STK39: variants seen among roughly 807,000 people sequenced by gnomAD.
The protein encoded by STK39 is serine/threonine kinase 39.
A neutral mutation model predicts 77.8 loss-of-function variants in STK39; 20 were observed. The ratio of observed to expected loss-of-function variants is 0.26; its 90% CI spans 0.18 to 0.37. The LOEUF (loss-of-function observed/expected upper bound fraction) is 0.37, where lower values mean the gene tolerates loss of function less well. Ranked by LOEUF, STK39 falls within the 10% of genes least tolerant of loss-of-function variation. The pLI is 1.00. For missense variants in STK39, 479 were observed against 656.5 expected, an observed-to-expected ratio of 0.73 and a Z score of 2.95; for synonymous variants, 246 against 234.1, an observed-to-expected ratio of 1.05 and a Z score of -0.47.
intron 1 of STK39, among the ~76,000 whole-genome samples, chr2:168,220,035 GAAT>G (rs1690126621): frequency 6.6e-6 from 1 of 152,000 alleles, no homozygotes; most frequent in South Asian, 2.1e-4. Flanking sequence ...TTGAGTATTT[GAAT>G]AATGATGATA....
intron 1 of STK39, among the ~76,000 whole-genome samples, chr2:168,187,454 C>T (rs1053038741): frequency 1.1e-4 from 16 of 152,292 alleles, no homozygotes; most frequent in Admixed American, 9.1e-4. Flanking sequence ...GGATGACTTG[C>T]CTAACTTCTT....
rs188374013 is a variant in STK39, at chr2:168,236,708, C to T, written c.208+10520G>A. ...CAGTACCATTTATTAAATAGGGAATCATTTCCCCATTGCTTGTTTTTGTCA... is the reference window on the plus strand; with the variant it reads ...CAGTACCATTTATTAAATAGGGAATTATTTCCCCATTGCTTGTTTTTGTCA... On this transcript the variant is annotated intron_variant, in intron 1 of 17. Transcript: ENST00000355999. 3.5e-3 allele frequency among the ~76,000 whole-genome samples: 529 copies of T among 152,334 alleles called. 2 individuals are homozygous for T. The highest frequency in any genetic ancestry group is 0.012 in the African/African-American group (508 of 41,578).
chr2:168,182,768 T>C (rs1559136625), intron 1 of STK39, among the ~76,000 whole-genome samples: 1 of 152,194 alleles, frequency 6.6e-6, no homozygotes, highest in Non-Finnish European at 1.5e-5. Context: ...ATGTAATGAT[T>C]TGCGGCAGAG....
intron 5 of STK39, among the ~76,000 whole-genome samples, chr2:168,159,233 C>T (rs1688509751): frequency 6.6e-6 from 1 of 152,088 alleles, no homozygotes. Context: ...ACTACAGGGC[C>T]TCAGAGGCAT....
At chr2:167,975,385 G>A (rs188168387) in intron 16 of STK39, among the ~76,000 whole-genome samples, 52 of 152,116 alleles carry the variant, frequency 3.4e-4, no homozygotes, top group African/African-American at 1.2e-3. Context: ...TGGGGATGAG[G>A]AGTATCAGAG....
At position 168,006,447 on chromosome 2, in the gene STK39, G is replaced by A. The variant is rs187871987; in HGVS notation, c.1498+6187C>T. Among the ~76,000 whole-genome samples the A allele has an allele frequency of 4.6e-5, 7 of 152,044 alleles. No homozygotes were observed. The East Asian group carries it at 5.8e-4, about 13-fold the overall frequency. On this transcript the variant is annotated intron_variant, in intron 16 of 17. Transcript: ENST00000355999. ...ATTTTGTGTTTTGCATTTTTCCCCC[G>A]TGCTTCCATTGCAGAGAAAACTTAT...
chr2:168,139,983 C>A (rs12612465), intron 7 of STK39, among the ~76,000 whole-genome samples: 2 of 152,054 alleles, frequency 1.3e-5, no homozygotes, highest in African/African-American at 4.8e-5. Flanking sequence ...GGGAACCTGG[C>A]GTTGTTCTGC....
chr2:168,182,397 G>C (rs1275211399), intron 1 of STK39, among the ~76,000 whole-genome samples: 1 of 152,124 alleles, frequency 6.6e-6, no homozygotes, highest in Non-Finnish European at 1.5e-5. Flanking sequence ...TCTAGCTTGA[G>C]TGCCTTTAAA....
chr2:168,228,110 G>A (rs1210949048), intron 1 of STK39, among the ~76,000 whole-genome samples: 2 of 152,140 alleles, frequency 1.3e-5, no homozygotes, highest in South Asian at 2.1e-4. Flanking sequence ...GATGTATTCC[G>A]TGATTCTGAA....
intron 16 of STK39, among the ~76,000 whole-genome samples, chr2:168,008,711 G>C (rs1684194834): frequency 2.0e-5 from 3 of 152,108 alleles, no homozygotes; most frequent in Admixed American, 2.0e-4. Flanking sequence ...GACACATCAA[G>C]ATTTATAGGT....
intron 5 of STK39, among the ~76,000 whole-genome samples, chr2:168,144,022 G>A (rs148276786): frequency 1.2e-4 from 18 of 152,300 alleles, no homozygotes; most frequent in African/African-American, 4.3e-4. Flanking sequence ...TGAGTAATTT[G>A]ATGTGCATTC....
At chr2:168,103,885 G>A (rs935302828) in intron 10 of STK39, among the ~76,000 whole-genome samples, 1 of 152,176 alleles carries the variant, frequency 6.6e-6, no homozygotes, top group Non-Finnish European at 1.5e-5. Context: ...CTTATCTAAA[G>A]AGTTAGGCAC....
At chr2:168,012,766 A>C in intron 15 of STK39, 64 bp from the exon 16 acceptor site, 2 of 1,343,432 alleles carry the variant, frequency 1.5e-6, no homozygotes, top group South Asian at 1.4e-5. Context: ...ACCCAGTACA[A>C]TGTAAAATAT....
At chr2:168,099,918 C>A (rs986351346) in intron 10 of STK39, among the ~76,000 whole-genome samples, 6 of 152,152 alleles carry the variant, frequency 3.9e-5, no homozygotes, top group Non-Finnish European at 7.3e-5. Context: ...ACTCAAGAGA[C>A]AAGAGTCTCC....
chr2:168,012,757 C>T (rs1402673086), intron 15 of STK39, 55 bp from the exon 16 acceptor site: 1 of 1,444,006 alleles, frequency 6.9e-7, no homozygotes, highest in Non-Finnish European at 9.6e-7. Flanking sequence ...AAATCAACAA[C>T]CCAGTACAAT....
chr2:168,202,820 C>T (rs778888849), intron 1 of STK39, among the ~76,000 whole-genome samples: 31 of 151,916 alleles, frequency 2.0e-4, no homozygotes, highest in South Asian at 2.1e-4. Flanking sequence ...TGAACTGAGA[C>T]GAAGCTGGGA....
intron 5 of STK39, among the ~76,000 whole-genome samples, chr2:168,144,350 G>A (rs1180982994): frequency 6.6e-6 from 1 of 151,912 alleles, no homozygotes; most frequent in African/African-American, 2.4e-5. Context: ...GTCGCCCAAG[G>A]TGGAACATAG....
chr2:168,036,067 G>A (rs1272502557), intron 14 of STK39, among the ~76,000 whole-genome samples: 1 of 152,108 alleles, frequency 6.6e-6, no homozygotes. Context: ...AATGACTGAG[G>A]AATTTCAATG....
At chr2:168,107,275 A>G (rs1686999675) in intron 10 of STK39, among the ~76,000 whole-genome samples, 2 of 152,198 alleles carry the variant, frequency 1.3e-5, no homozygotes. Flanking sequence ...AACATGATGA[A>G]TGGGTCTTAT....
Sources: gnomAD v4.1 joint callset for allele counts (sites outside exome capture counted in the v4.1 genomes callset) on GRCh38, gnomAD v4.1.1 for gene constraint, MANE v1.5 for transcripts, NCBI Gene and HGNC (gene_info 2026-07-23, HGNC 2026-07-21) for gene names.